PTPRM: variants seen among roughly 807,000 people sequenced by gnomAD.
The protein encoded by PTPRM is protein tyrosine phosphatase receptor type M.
A neutral mutation model predicts 186.7 loss-of-function variants in PTPRM; 47 were observed. The ratio of observed to expected loss-of-function variants is 0.25; its 90% confidence interval spans 0.20 to 0.32. PTPRM has a LOEUF of 0.32. Among genes scored for constraint, PTPRM ranks in the 10% least tolerant of loss-of-function variants. The pLI, the probability that PTPRM is intolerant of heterozygous loss-of-function variation, is 1.00. For synonymous variants in PTPRM, 668 were observed against 674.9 expected, an observed-to-expected ratio of 0.99 and a Z score of 0.16; for missense variants, 1,494 against 1,865.0, an observed-to-expected ratio of 0.80 and a Z score of 3.66.
chr18:7,615,387 G>A (rs2037777552), intron 1 of PTPRM, among the ~76,000 whole-genome samples: 1 of 151,980 alleles, frequency 6.6e-6, no homozygotes, highest in Admixed American at 6.6e-5. Context: ...GAAGAGAGAC[G>A]GGATCACTCG....
chr18:8,402,210 G>A (rs1024276262), intron 32 of PTPRM, among the ~76,000 whole-genome samples: 10 of 152,188 alleles, frequency 6.6e-5, no homozygotes, highest in Non-Finnish European at 1.2e-4. Context: ...CAGGTGCTTG[G>A]GGGAGGGGAC....
At chr18:8,127,743 ATCAT>A (rs369335875) in intron 13 of PTPRM, among the ~76,000 whole-genome samples, 1 of 152,094 alleles carries the variant, frequency 6.6e-6, no homozygotes, top group Non-Finnish European at 1.5e-5. Context: ...TAGAGAAGCT[ATCAT>A]TCATTCATTC....
In PTPRM at chr18:7,825,668, A is replaced by G. The variant is rs541318928; in HGVS notation, c.196+51397A>G. 2.4e-4 allele frequency among the ~76,000 whole-genome samples: 36 copies of G among 152,228 alleles called. No homozygotes were observed. In the East Asian group the frequency reaches 5.6e-3, roughly 24 times the overall value. On this transcript the variant is annotated intron_variant, in intron 2 of 32. Coordinates refer to ENST00000580170, the MANE Select transcript of PTPRM (RefSeq NM_001105244.2). ...GCTCATTATGTTATCCCTGACATAC[A>G]AGCCCCGAGGCTCCCATCCCCTAGA...
At chr18:8,015,809 C>A (rs2084825544) in intron 7 of PTPRM, among the ~76,000 whole-genome samples, 1 of 152,120 alleles carries the variant, frequency 6.6e-6, no homozygotes, top group Non-Finnish European at 1.5e-5. Flanking sequence ...AAAATGCACT[C>A]CCCATCCCAC....
chr18:8,392,623 T>C (rs1340050541), intron 31 of PTPRM, among the ~76,000 whole-genome samples: 6 of 149,660 alleles, frequency 4.0e-5, no homozygotes, highest in Admixed American at 1.3e-4. Context: ...TGAGACTCCA[T>C]CTCAAAAAAA....
intron 1 of PTPRM, among the ~76,000 whole-genome samples, chr18:7,575,047 A>T (rs1337442075): frequency 6.6e-6 from 1 of 152,224 alleles, no homozygotes; most frequent in Non-Finnish European, 1.5e-5. Context: ...ACAGAAAAAA[A>T]TAATGAAGAT....
intron 1 of PTPRM, among the ~76,000 whole-genome samples, chr18:7,746,886 G>A (rs2041003567): frequency 6.6e-6 from 1 of 152,186 alleles, no homozygotes. Context: ...AGGGTGGATG[G>A]AGGAAGGTGA....
At chr18:8,245,073 A>G (rs2094465169) in intron 15 of PTPRM, among the ~76,000 whole-genome samples, 1 of 152,208 alleles carries the variant, frequency 6.6e-6, no homozygotes, top group Non-Finnish European at 1.5e-5. Context: ...TGTGAGGAGC[A>G]CAGAAATGGC....
At chr18:8,286,124 A>G (rs966144327) in intron 19 of PTPRM, among the ~76,000 whole-genome samples, 6 of 152,240 alleles carry the variant, frequency 3.9e-5, no homozygotes, top group African/African-American at 1.4e-4. Context: ...ATGAGTGACT[A>G]AAATTTGGAA....
chr18:8,172,775 A>C (rs562922953), intron 14 of PTPRM, among the ~76,000 whole-genome samples: 1 of 152,300 alleles, frequency 6.6e-6, no homozygotes, highest in East Asian at 1.9e-4. Context: ...GGGAAACCCA[A>C]ATCTGTGGTC....
chr18:7,637,536 C>T (rs1287991855), intron 1 of PTPRM, among the ~76,000 whole-genome samples: 2 of 152,234 alleles, frequency 1.3e-5, no homozygotes, highest in African/African-American at 2.4e-5. Context: ...ATTTATTAGG[C>T]ATCTACTGTG....
intron 14 of PTPRM, among the ~76,000 whole-genome samples, chr18:8,162,941 C>T (rs988600808): frequency 6.6e-6 from 1 of 152,200 alleles, no homozygotes; most frequent in African/African-American, 2.4e-5. Context: ...CTTCTCCAAA[C>T]AAACACTGGA....
At chr18:7,803,065 T>C (rs188619715) in intron 2 of PTPRM, among the ~76,000 whole-genome samples, 319 of 152,304 alleles carry the variant, frequency 2.1e-3, no homozygotes, top group African/African-American at 7.4e-3. Context: ...ACCAGAACTG[T>C]AAGCATTTAT....
At chr18:8,218,372 T>C (rs1196507575) in intron 14 of PTPRM, among the ~76,000 whole-genome samples, 1 of 101,826 alleles carries the variant, frequency 9.8e-6, no homozygotes, top group Non-Finnish European at 2.3e-5. Flanking sequence ...AGAAGAACGG[T>C]TAAACTATTA....
At chr18:8,001,434 GGT>G (rs1795215363) in intron 7 of PTPRM, among the ~76,000 whole-genome samples, 1 of 152,102 alleles carries the variant, frequency 6.6e-6, no homozygotes, top group South Asian at 2.1e-4. Flanking sequence ...CATGCGAATG[GGT>G]GTGTGTGTAT....
At chr18:8,383,328 A>G (rs1489080844) in intron 29 of PTPRM, among the ~76,000 whole-genome samples, 2 of 141,568 alleles carry the variant, frequency 1.4e-5, no homozygotes, top group Non-Finnish European at 3.1e-5. Context: ...AAAAAAAAAA[A>G]AAGGTAGATG....
At chr18:7,708,313 GC>G (rs1292590962) in intron 1 of PTPRM, among the ~76,000 whole-genome samples, 1 of 152,056 alleles carries the variant, frequency 6.6e-6, no homozygotes, top group African/African-American at 2.4e-5. Context: ...TAAACTCCTA[GC>G]AAAAATGAAT....
intron 14 of PTPRM, among the ~76,000 whole-genome samples, chr18:8,227,922 C>G (rs1017530049): frequency 6.6e-6 from 1 of 152,220 alleles, no homozygotes; most frequent in Non-Finnish European, 1.5e-5. Flanking sequence ...ATATTTCTTG[C>G]ACTGTCACCG....
At chr18:7,617,771 C>T (rs188701398) in intron 1 of PTPRM, among the ~76,000 whole-genome samples, 2 of 152,252 alleles carry the variant, frequency 1.3e-5, no homozygotes, top group African/African-American at 2.4e-5. Flanking sequence ...AATCATCAAC[C>T]GCTTGAGTTA....
Sources: gnomAD v4.1 joint callset for allele counts (sites outside exome capture counted in the v4.1 genomes callset) on GRCh38, gnomAD v4.1.1 for gene constraint, MANE v1.5 for transcripts, NCBI Gene and HGNC (gene_info 2026-07-23, HGNC 2026-07-21) for gene names.